The following LPA variants were observed in gnomAD, a reference collection of about 807,000 sequenced individuals.
LPA encodes the protein lipoprotein(a).
A neutral mutation model predicts 197.9 loss-of-function variants in LPA; 199 were observed. The observed-to-expected ratio is 1.01, with a 90% CI of 0.90 to 1.13. The LOEUF (loss-of-function observed/expected upper bound fraction) is 1.13, where lower values mean the gene tolerates loss of function less well. LPA is among the 50% of genes most tolerant of loss of function. The pLI is 0.00. For missense variants in LPA, 1,853 were observed against 1,785.8 expected, an observed-to-expected ratio of 1.04 and a Z score of -0.68; for synonymous variants, 715 against 639.5, an observed-to-expected ratio of 1.12 and a Z score of -1.78.
chr6:160,600,512 C>T (rs948980425), intron 19 of LPA, among the ~76,000 whole-genome samples: 1 of 152,096 alleles, frequency 6.6e-6, no homozygotes, highest in African/African-American at 2.4e-5. Flanking sequence ...GATCTAGAGC[C>T]ACATTTCTCG....
At chr6:160,589,441 C>T in intron 24 of LPA, 112 bp downstream of exon 24, 1 of 1,277,270 alleles carries the variant, frequency 7.8e-7, no homozygotes, top group Non-Finnish European at 1.1e-6. Flanking sequence ...TTCTGTCCAA[C>T]ATTCTGGGTC....
chr6:160,577,066 A>C lies in LPA; in HGVS notation c.4631+70T>G. 3.2e-6 allele frequency: 5 copies of C among 1,581,078 alleles called. No individual in the cohort carries two copies. The South Asian group carries it at 3.3e-5, about 11-fold the overall frequency. Reference sequence around the variant, plus strand: ...AAATTTGTCCCTAGGAAGTGAGCTTAAAGCATGGGTCTTCTAACCAATATT... The same window carrying C: ...AAATTTGTCCCTAGGAAGTGAGCTTCAAGCATGGGTCTTCTAACCAATATT... On this transcript the variant is annotated intron_variant, in intron 28 of 38. Coordinates refer to ENST00000316300, the MANE Select transcript of LPA (RefSeq NM_005577.4).
chr6:160,547,316 A>G (rs955254927), intron 32 of LPA, among the ~76,000 whole-genome samples: 3 of 152,162 alleles, frequency 2.0e-5, no homozygotes, highest in African/African-American at 7.2e-5. Flanking sequence ...TGTGCAGTTC[A>G]CAATAGGGTT....
intron 28 of LPA, among the ~76,000 whole-genome samples, chr6:160,576,773 A>G (rs1778692218): frequency 6.7e-6 from 1 of 148,364 alleles, no homozygotes; most frequent in Admixed American, 6.8e-5. Context: ...TGGCAAACAA[A>G]CCTTCGGGAA....
At chr6:160,636,153 C>T (rs1369059415) in intron 6 of LPA, among the ~76,000 whole-genome samples, 14 of 1,016 alleles carry the variant, frequency 0.014, no homozygotes, top group Non-Finnish European at 0.047. Flanking sequence ...CGGACAGCTA[C>T]GGAGCAGCAG....
In LPA at chr6:160,586,483, G is replaced by A. The variant is rs749989986; in HGVS notation, c.4095C>T (p.Val1365=). ...ESTLLTTPTV[V]PVPSTELPSE... is the part of the protein sequence containing the mutation. ...AAGGAAGCTCTGTGCTTGGAACTGGGACCACCGTGGGAGTTGTGAGGAGAG... is the reference window on the plus strand; with the variant it reads ...AAGGAAGCTCTGTGCTTGGAACTGGAACCACCGTGGGAGTTGTGAGGAGAG... Residue 1365 remains valine, a synonymous_variant, in exon 25 of 39, where the codon GTC becomes GTT. Transcript: ENST00000316300. 6.2e-7 allele frequency: 1 copy of A among 1,613,704 alleles called. No homozygotes were observed. Among genetic ancestry groups the A allele is most frequent in the Non-Finnish European group, 8.5e-7 (1 of 1,179,704 alleles).
intron 16 of LPA, among the ~76,000 whole-genome samples, chr6:160,610,547 T>C (rs1261755708): frequency 6.6e-6 from 1 of 152,182 alleles, no homozygotes; most frequent in Non-Finnish European, 1.5e-5. Context: ...CAGTAAATGT[T>C]CTTTGCCACA....
intron 24 of LPA, among the ~76,000 whole-genome samples, chr6:160,587,751 T>TTGTGTGTGTG (rs67979615): frequency 1.8e-4 from 23 of 125,460 alleles, no homozygotes; most frequent in Middle Eastern, 4.1e-3. Flanking sequence ...GGTTCAGTCT[T>TTGTGTGTGTG]TGTGTGTGTG....
At chr6:160,635,708 G>A (rs1245097031) in intron 6 of LPA, among the ~76,000 whole-genome samples, 9 of 112,174 alleles carry the variant, frequency 8.0e-5, no homozygotes, top group Admixed American at 4.0e-4. Flanking sequence ...TATCTGTCTA[G>A]TCTCCGTATC....
chr6:160,541,119 T>G lies in LPA; in HGVS notation c.5582A>C (p.His1861Pro), dbSNP rs749084065. 5 of 1,614,110 alleles carry G rather than the reference T, an allele frequency of 3.1e-6. No individual in the cohort carries two copies. The highest frequency in any genetic ancestry group is 4.2e-6 in the Non-Finnish European group (5 of 1,179,982). ...CCCTTAAACGTACTTCTTCAAGCAG[T>G]GAGCAGCAGTCAGCACCCACTCTGG... ...ISPEWVLTAA[H>P]CLKKSSRPSS... The change falls in exon 35 of 39, where the codon CAC becomes CCC. Residue 1861 changes from histidine to proline, a missense_variant. By Grantham distance (77) the His-to-Pro change is moderately conservative. Around this residue, in one of 3 missense-constraint regions of LPA, gnomAD observed 1,737 missense variants for 1,504.4 expected, o/e 1.15. Coordinates refer to ENST00000316300, the MANE Select transcript of LPA (RefSeq NM_005577.4).
chr6:160,590,355 G>A, intron 23 of LPA, among the ~76,000 whole-genome samples: 1 of 152,188 alleles, frequency 6.6e-6, no homozygotes, highest in Non-Finnish European at 1.5e-5. Flanking sequence ...CCATGAGAAG[G>A]AGGGGCAAGA....
Position 160,557,431 on chromosome 6 carries a change from G to A in LPA, c.4772C>T (p.Thr1591Ile), listed in dbSNP as rs768994342. The part of the protein sequence containing the change: ...ETESGVLETP[T>I]VVPVPSMEAH... ...CTCCATGCTTGGAACTGGAACAACA[G>A]TGGGAGTCTCTAGGACACCTGATTC... Residue 1591 changes from threonine to isoleucine, a missense_variant, in exon 29 of 39, where the codon ACT (threonine) becomes ATT (isoleucine). This residue lies in a region of LPA where 1,737 missense variants were observed against 1,504.4 expected (regional missense o/e 1.15). Transcript: ENST00000316300. 5.0e-6 allele frequency: 8 copies of A among 1,614,148 alleles called. No individual in the cohort carries two copies. The highest frequency in any genetic ancestry group is 4.5e-5 in the East Asian group (2 of 44,876).
chr6:160,650,396 C>G lies in LPA; in HGVS notation c.151G>C (p.Ala51Pro). 1.2e-6 allele frequency: 2 copies of G among 1,613,934 alleles called. No homozygotes were observed. The highest frequency in any genetic ancestry group is 1.7e-6 in the Non-Finnish European group (2 of 1,179,834). The change falls in exon 2 of 39, where the codon GCT becomes CCT. Residue 51 changes from alanine to proline, a missense_variant. Ala to Pro is a conservative substitution (Grantham distance 27). Around this residue, in one of 3 missense-constraint regions of LPA, gnomAD observed 88 missense variants for 83.0 expected, o/e 1.06. Coordinates refer to ENST00000316300, the MANE Select transcript of LPA (RefSeq NM_005577.4). Reference protein sequence around the residue: ...STTVTGRTCQAWSSMTPHQHN... With the variant: ...STTVTGRTCQPWSSMTPHQHN... ...TGATGTGGTGTCATAGATGACCAAGCTTGGCAGGTCCTTCCTGTGACAGTG... is the reference window on the plus strand; with the variant it reads ...TGATGTGGTGTCATAGATGACCAAGGTTGGCAGGTCCTTCCTGTGACAGTG...
At chr6:160,582,063 A>C (rs1230855499) in intron 26 of LPA, among the ~76,000 whole-genome samples, 1 of 151,860 alleles carries the variant, frequency 6.6e-6, no homozygotes, top group Non-Finnish European at 1.5e-5. Flanking sequence ...ACATTCTTTT[A>C]TTTGTTCTTT....
chr6:160,544,096 A>G (rs1028683110), intron 33 of LPA, among the ~76,000 whole-genome samples: 21 of 152,224 alleles, frequency 1.4e-4, no homozygotes, highest in African/African-American at 5.1e-4. Context: ...AGGACAGCAG[A>G]ATTGCACCTG....
intron 14 of LPA, among the ~76,000 whole-genome samples, chr6:160,615,322 CGT>C (rs745980063): frequency 2.8e-5 from 4 of 144,918 alleles, no homozygotes; most frequent in African/African-American, 1.1e-4. Flanking sequence ...TGAGTTTCTG[CGT>C]GTGTGTGAGT....
At chr6:160,545,013 A>T (rs2115001288) in intron 33 of LPA, among the ~76,000 whole-genome samples, 1 of 152,240 alleles carries the variant, frequency 6.6e-6, no homozygotes, top group East Asian at 1.9e-4. Context: ...GAGGTTTACA[A>T]TGTGCATTAC....
intron 16 of LPA, among the ~76,000 whole-genome samples, chr6:160,609,849 G>C (rs537362956): frequency 2.0e-5 from 3 of 151,740 alleles, no homozygotes; most frequent in South Asian, 4.2e-4. Flanking sequence ...TGTGTGTGTG[G>C]CTCATTCTGT....
chr6:160,578,575 G>C lies in LPA; in HGVS notation c.4419C>G (p.Leu1473=). 6.2e-7 allele frequency: 1 copy of C among 1,614,018 alleles called. No individual in the cohort carries two copies. Among genetic ancestry groups the C allele is most frequent in the Non-Finnish European group, 8.5e-7 (1 of 1,179,912 alleles). Residue 1473 remains leucine (L), a synonymous_variant, in exon 27 of 39, where the codon CTC becomes CTG. Coordinates refer to ENST00000316300, the MANE Select transcript of LPA (RefSeq NM_005577.4). ...TRCPVTESSV[L]TTPTVAPVPS... Reference sequence around the variant, plus strand: ...GAACCGGGGCCACTGTGGGAGTTGTGAGGACACTCGATTCTGTCACTGGAC... The same window carrying C: ...GAACCGGGGCCACTGTGGGAGTTGTCAGGACACTCGATTCTGTCACTGGAC...
Sources: gnomAD v4.1 joint callset for allele counts (sites outside exome capture counted in the v4.1 genomes callset) on GRCh38, gnomAD v4.1.1 for gene constraint, gnomAD v4.1.1 regional missense constraint, MANE v1.5 for transcripts, NCBI Gene and HGNC (gene_info 2026-07-23, HGNC 2026-07-21) for gene names.